The following OTUD7A variants were observed in gnomAD, a reference collection of about 807,000 sequenced individuals.
The protein encoded by OTUD7A is OTU domain-containing protein 7A.
OTUD7A carries 12 observed loss-of-function variants against 65.7 expected under a neutral mutation model. The ratio of observed to expected loss-of-function variants is 0.18; its 90% CI spans 0.12 to 0.30. OTUD7A has a LOEUF of 0.30. OTUD7A is among the 10% of genes least tolerant of loss of function. OTUD7A has a pLI of 1.00. For missense variants in OTUD7A, 1,148 were observed against 1,304.8 expected, an observed-to-expected ratio of 0.88 and a Z score of 1.85; for synonymous variants, 641 against 586.3, an observed-to-expected ratio of 1.09 and a Z score of -1.35.
At chr15:31,529,229 C>T (rs1212383873) in intron 6 of OTUD7A, among the ~76,000 whole-genome samples, 3 of 152,188 alleles carry the variant, frequency 2.0e-5, no homozygotes, top group African/African-American at 7.2e-5. Context: ...ATTCTTTCTC[C>T]AGGTTTTAGA....
intron 1 of OTUD7A, among the ~76,000 whole-genome samples, chr15:31,763,281 TCAA>T (rs372323034): frequency 0.068 from 10,273 of 151,024 alleles, 810 homozygotes; most frequent in African/African-American, 0.2. Flanking sequence ...AGACTCCATC[TCAA>T]CAACAACAAC....
chr15:31,836,786 T>C (rs1897064729), intron 1 of OTUD7A, among the ~76,000 whole-genome samples: 1 of 152,142 alleles, frequency 6.6e-6, no homozygotes, highest in Non-Finnish European at 1.5e-5. Flanking sequence ...ATTTGGCAGA[T>C]CCAACATATG....
chr15:31,745,179 T>C (rs1048413613), intron 1 of OTUD7A, among the ~76,000 whole-genome samples: 13 of 152,122 alleles, frequency 8.5e-5, no homozygotes, highest in African/African-American at 2.9e-4. Flanking sequence ...TAGGCCTTTT[T>C]GTAGAAACTG....
chr15:31,787,002 T>C (rs1895691367), intron 1 of OTUD7A, among the ~76,000 whole-genome samples: 1 of 152,236 alleles, frequency 6.6e-6, no homozygotes, highest in South Asian at 2.1e-4. Context: ...TTGGGCTTTC[T>C]TAGTGGAGAC....
intron 3 of OTUD7A, among the ~76,000 whole-genome samples, chr15:31,619,062 C>T (rs375905001): frequency 3.3e-5 from 5 of 152,146 alleles, no homozygotes; most frequent in African/African-American, 1.2e-4. Flanking sequence ...TTTTGTCAGG[C>T]TTGTCAAAGA....
At chr15:31,628,367 T>A (rs1891031165) in intron 3 of OTUD7A, among the ~76,000 whole-genome samples, 1 of 152,196 alleles carries the variant, frequency 6.6e-6, no homozygotes, top group African/African-American at 2.4e-5. Context: ...CCCCATTGCT[T>A]GTTTCTGTCA....
At position 31,852,620 on chromosome 15, in the gene OTUD7A, T is replaced by C. The variant is rs116272682; in HGVS notation, c.-100+17887A>G. ...TCCATACAAAGGACCAAGTCAGACA[T>C]TTACGAAGACAGCTTGTGCCATGTG... is the stretch of plus-strand genomic sequence containing the variant. On this transcript the variant is annotated intron_variant, in intron 1 of 12. Coordinates refer to ENST00000307050, the MANE Select transcript of OTUD7A (RefSeq NM_001382637.1). Among the ~76,000 whole-genome samples, 1,069 of 152,292 alleles carry C rather than the reference T, an allele frequency of 7.0e-3. 15 individuals are homozygous for C. The highest frequency in any genetic ancestry group is 0.025 in the African/African-American group (1,029 of 41,572).
Position 31,559,278 on chromosome 15 carries a change from T to TAC in OTUD7A, c.332-93_332-92dup, listed in dbSNP as rs1402338176. On this transcript the variant is annotated intron_variant, in intron 4 of 12. Transcript: ENST00000307050. The stretch of plus-strand genomic sequence containing the variant: ...AAACACACATACTATGCACACACAA[T>TAC]ACACACACACAGGTACACATTCATG... The TAC allele has an allele frequency of 6.7e-6, 8 of 1,199,824 alleles. No individual in the cohort carries two copies. In the East Asian group the frequency reaches 7.5e-5, roughly 11 times the overall value. 74.3% of individuals were successfully genotyped at this position (1,199,824 alleles called of 1,614,324 possible).
At chr15:31,590,735 A>T (rs1889698698) in intron 3 of OTUD7A, among the ~76,000 whole-genome samples, 1 of 152,224 alleles carries the variant, frequency 6.6e-6, no homozygotes, top group African/African-American at 2.4e-5. Context: ...CAATTAATCT[A>T]AACAATGATG....
chr15:31,677,098 C>G (rs1259714070), intron 1 of OTUD7A, among the ~76,000 whole-genome samples: 1 of 152,178 alleles, frequency 6.6e-6, no homozygotes, highest in East Asian at 1.9e-4. Flanking sequence ...ATGGAAGGAA[C>G]GTGAGCCATT....
intron 3 of OTUD7A, among the ~76,000 whole-genome samples, chr15:31,599,916 A>G (rs1890024715): frequency 6.6e-6 from 1 of 152,200 alleles, no homozygotes; most frequent in Admixed American, 6.5e-5. Context: ...AATTAATGAA[A>G]TAAAGCAAGA....
intron 1 of OTUD7A, chr15:31,765,921 G>T: frequency 7.8e-7 from 1 of 1,287,902 alleles, no homozygotes; most frequent in South Asian, 1.2e-5. Context: ...TAGAGGTAAA[G>T]TCCTGTTTTT....
At chr15:31,677,890 G>C (rs1414686856) in intron 1 of OTUD7A, among the ~76,000 whole-genome samples, 1 of 152,192 alleles carries the variant, frequency 6.6e-6, no homozygotes, top group Non-Finnish European at 1.5e-5. Flanking sequence ...ACAGTTTGGA[G>C]GGCTCAGAAG....
In OTUD7A at chr15:31,482,123, C is replaced by T. The variant is rs929164004; in HGVS notation, c.*1171G>A. On this transcript the variant is annotated 3_prime_UTR_variant, in exon 13 of 13. Coordinates refer to ENST00000307050, the MANE Select transcript of OTUD7A (RefSeq NM_001382637.1). ...TAGCTAAGGACACATTTTTTTTTTC[C>T]TCAAGAAATGTAGGAGGCACCAAAA... is the stretch of plus-strand genomic sequence containing the variant. 3.3e-5 allele frequency: 5 copies of T among 151,460 alleles called. No individual in the cohort carries two copies. The highest frequency in any genetic ancestry group is 7.4e-5 in the Non-Finnish European group (5 of 67,810). 9.4% of individuals were successfully genotyped at this position (151,460 alleles called of 1,614,324 possible).
At chr15:31,724,977 T>C (rs1446933273) in intron 1 of OTUD7A, among the ~76,000 whole-genome samples, 1 of 152,098 alleles carries the variant, frequency 6.6e-6, no homozygotes, top group African/African-American at 2.4e-5. Flanking sequence ...CTGCAGCTGA[T>C]AGGGACCCAC....
At chr15:31,512,676 A>G (rs1181747595) in intron 8 of OTUD7A, among the ~76,000 whole-genome samples, 1 of 152,190 alleles carries the variant, frequency 6.6e-6, no homozygotes, top group Non-Finnish European at 1.5e-5. Context: ...AGAGGAGAAT[A>G]AAGGAAGGAG....
chr15:31,633,444 C>G lies in OTUD7A; in HGVS notation c.151+21652G>C, dbSNP rs1891240619. On this transcript the variant is annotated intron_variant, in intron 3 of 12. Transcript: ENST00000307050. The stretch of plus-strand genomic sequence containing the variant: ...CTTATAATGTTATGCTTTCTTGGTA[C>G]CTATTTTGAATGTATGTTGGACTTT... Among the ~76,000 whole-genome samples, 4 of 152,292 alleles carry G rather than the reference C, an allele frequency of 2.6e-5. No homozygotes were observed. In the South Asian group the frequency reaches 8.3e-4, roughly 32 times the overall value.
intron 3 of OTUD7A, among the ~76,000 whole-genome samples, chr15:31,588,978 T>C (rs917361958): frequency 6.6e-6 from 1 of 152,202 alleles, no homozygotes; most frequent in African/African-American, 2.4e-5. Context: ...TGGCACACTT[T>C]CTGTTGTTCC....
intron 6 of OTUD7A, among the ~76,000 whole-genome samples, chr15:31,529,926 G>C (rs1336924997): frequency 6.6e-6 from 1 of 152,200 alleles, no homozygotes; most frequent in Non-Finnish European, 1.5e-5. Context: ...GATGGTCCCT[G>C]GTGCAAACCC....
Sources: allele counts gnomAD v4.1 joint callset (sites outside exome capture counted in the v4.1 genomes callset), GRCh38; gene constraint gnomAD v4.1.1; transcripts MANE v1.5; gene names NCBI Gene and HGNC (gene_info 2026-07-23, HGNC 2026-07-21).